ITIH5: variants seen among roughly 807,000 people sequenced by gnomAD.
ITIH5 encodes the protein inter-alpha-trypsin inhibitor heavy chain H5.
ITIH5 carries 65 observed loss-of-function variants against 77.5 expected under a neutral mutation model. That is an observed-to-expected ratio of 0.84 (90% CI 0.69 to 1.03). The LOEUF (loss-of-function observed/expected upper bound fraction) is 1.03, where lower values mean the gene tolerates loss of function less well. Ranked by LOEUF, ITIH5 falls within the 50% of genes least tolerant of loss-of-function variation. The pLI is 0.00. For synonymous variants in ITIH5, 525 were observed against 494.3 expected (o/e 1.06, Z -0.82); for missense variants, 1,208 against 1,213.1 (o/e 1.00, Z 0.06).
At chr10:7,638,724 A>G (rs1424369900) in intron 4 of ITIH5, among the ~76,000 whole-genome samples, 1 of 152,218 alleles carries the variant, frequency 6.6e-6, no homozygotes, top group African/African-American at 2.4e-5. Context: ...AAGAATACGA[A>G]AAGAGATACC....
In ITIH5 at chr10:7,579,859, G is replaced by A. The variant is rs756084635; in HGVS notation, c.1314C>T (p.Ile438=). The change falls in exon 9 of 14, where the codon ATC becomes ATT. Residue 438 remains isoleucine (I), a synonymous_variant. Coordinates refer to ENST00000397146, the MANE Select transcript of ITIH5 (RefSeq NM_030569.7). The stretch of plus-strand genomic sequence containing the variant: ...GCAGCCTGAAGTCCACGTCGTTGCC[G>A]ATGCCAATGGTGAAGATGCAGACTT... The part of the protein sequence containing the change: ...RGQVCIFTIG[I]GNDVDFRLLE... 2.1e-5 allele frequency: 34 copies of A among 1,614,116 alleles called. No individual in the cohort carries two copies. The highest frequency in any genetic ancestry group is 2.7e-5 in the Non-Finnish European group (32 of 1,180,050).
intron 10 of ITIH5, among the ~76,000 whole-genome samples, chr10:7,575,253 C>T (rs1296705105): frequency 1.3e-5 from 2 of 152,170 alleles, no homozygotes; most frequent in African/African-American, 2.4e-5. Flanking sequence ...TGATTATCTC[C>T]GTGTTCAGGG....
chr10:7,569,457 C>A (rs1049184757), intron 12 of ITIH5: 1 of 420,642 alleles, frequency 2.4e-6, no homozygotes, highest in African/African-American at 2.0e-5. Context: ...ACTCCCAAGG[C>A]ATGTGCCCAA....
intron 1 of ITIH5, among the ~76,000 whole-genome samples, chr10:7,662,689 C>T (rs1834295933): frequency 6.6e-6 from 1 of 152,210 alleles, no homozygotes; most frequent in Admixed American, 6.5e-5. Flanking sequence ...CCCTTCCTTT[C>T]CACCCTCAAG....
rs372342625 is a variant in ITIH5, at chr10:7,562,922, C to G, written c.*161G>C. On this transcript the variant is annotated 3_prime_UTR_variant, in exon 14 of 14. Transcript: ENST00000397146. ...CTTCCCGCCCCTACCCACCCCTACCCTTCGCCCAGACAGACGTCGGATCTA... is the reference window on the plus strand; with the variant it reads ...CTTCCCGCCCCTACCCACCCCTACCGTTCGCCCAGACAGACGTCGGATCTA... The G allele has an allele frequency of 7.6e-6, 5 of 658,858 alleles. No individual in the cohort carries two copies. The highest frequency in any genetic ancestry group is 7.2e-5 in the African/African-American group (4 of 55,646). The allele number at this position is 658,858 out of a possible 1,614,324, so 40.8% of individuals were successfully genotyped here. A position where few individuals can be genotyped will look rare whatever the true frequency, so the allele number is the denominator to read the frequency against.
Position 7,563,345 on chromosome 10 carries a change from G to C in ITIH5, c.2567C>G (p.Pro856Arg). ...LNQDARLTEDPAGPSQNLTHP... is the reference protein window; with the variant it reads ...LNQDARLTEDRAGPSQNLTHP... ...AGTGAGGTTCTGGCTGGGCCCTGCA[G>C]GGTCTTCTGTGAGTCTGGCATCCTG... Residue 856 changes from proline to arginine, a missense_variant, in exon 14 of 14, where the codon CCT (proline) becomes CGT (arginine). Physicochemically the swap from Pro to Arg is moderately radical, Grantham distance 103. Coordinates refer to ENST00000397146, the MANE Select transcript of ITIH5 (RefSeq NM_030569.7). The C allele has an allele frequency of 6.2e-7, 1 of 1,614,058 alleles. No individual in the cohort carries two copies.
At position 7,569,730 on chromosome 10, in the gene ITIH5, C is replaced by T; in HGVS notation, c.2087G>A (p.Cys696Tyr). 6.2e-7 allele frequency: 1 copy of T among 1,613,310 alleles called. No individual in the cohort carries two copies. The highest frequency in any genetic ancestry group is 8.5e-7 in the Non-Finnish European group (1 of 1,179,720). The change falls in exon 12 of 14, where the codon TGC becomes TAC. Residue 696 changes from cysteine to tyrosine, a missense_variant. By Grantham distance (194) the Cys-to-Tyr change is radical. Transcript: ENST00000397146. Reference sequence around the variant, plus strand: ...CCCGGGCTGCCCATCAATGTTGAAGCACACGGTGAGTCTGCTCAGGGGGAA... The same window carrying T: ...CCCGGGCTGCCCATCAATGTTGAAGTACACGGTGAGTCTGCTCAGGGGGAA... ...VDFPLSRLTV[C>Y]FNIDGQPGDI...
intron 10 of ITIH5, 33 bp from the exon 11 acceptor site, chr10:7,573,228 A>G: frequency 3.8e-6 from 6 of 1,585,636 alleles, no homozygotes; most frequent in Non-Finnish European, 5.2e-6. Context: ...CATCATGGTC[A>G]TTCCTTAAAG....
chr10:7,587,676 G>T (rs946104083), intron 7 of ITIH5, among the ~76,000 whole-genome samples: 18 of 152,350 alleles, frequency 1.2e-4, no homozygotes, highest in African/African-American at 3.8e-4. Context: ...TCTGAGCAGG[G>T]CCAGCCACAC....
chr10:7,589,096 C>G (rs1381591813), intron 7 of ITIH5, among the ~76,000 whole-genome samples: 1 of 152,238 alleles, frequency 6.6e-6, no homozygotes, highest in Non-Finnish European at 1.5e-5. Context: ...GCTCTGTTTA[C>G]TTCTTTGTTT....
At position 7,566,239 on chromosome 10, in the gene ITIH5, A is replaced by T. The variant is rs1179213215; in HGVS notation, c.2318T>A (p.Leu773His). 1 of 1,613,452 alleles carries T rather than the reference A, an allele frequency of 6.2e-7. No homozygotes were observed. The highest frequency in any genetic ancestry group is 8.5e-7 in the Non-Finnish European group (1 of 1,179,766). The change falls in exon 13 of 14, where the codon CTC becomes CAC. Residue 773 changes from leucine (L) to histidine (H), a missense_variant. Leu to His is a moderately conservative substitution (Grantham distance 99, BLOSUM62 -3). Coordinates refer to ENST00000397146, the MANE Select transcript of ITIH5 (RefSeq NM_030569.7). Reference protein sequence around the residue: ...VILDGGDRLVLPCNQSVVVGS... With the variant: ...VILDGGDRLVHPCNQSVVVGS... ...CACCACCACACTCTGGTTGCAGGGGAGCACCAGTCTGTCCCCACCATCCAA... is the reference window on the plus strand; with the variant it reads ...CACCACCACACTCTGGTTGCAGGGGTGCACCAGTCTGTCCCCACCATCCAA...
chr10:7,630,587 C>G (rs1029737496), intron 5 of ITIH5, among the ~76,000 whole-genome samples: 72 of 152,284 alleles, frequency 4.7e-4, no homozygotes, highest in African/African-American at 1.7e-3. Flanking sequence ...AGCACCTTTT[C>G]TGATGCTTTT....
chr10:7,640,110 G>A (rs900308089), intron 4 of ITIH5, among the ~76,000 whole-genome samples: 13 of 119,804 alleles, frequency 1.1e-4, no homozygotes, highest in African/African-American at 4.1e-4. Flanking sequence ...ATTTTTTGAA[G>A]TATGACTATC....
At chr10:7,653,072 G>A (rs1588430014) in intron 2 of ITIH5, among the ~76,000 whole-genome samples, 1 of 152,230 alleles carries the variant, frequency 6.6e-6, no homozygotes, top group East Asian at 1.9e-4. Context: ...TCCTAAGTAA[G>A]AGATTGGCAA....
chr10:7,565,695 A>C (rs1188822246), intron 13 of ITIH5, among the ~76,000 whole-genome samples: 1 of 149,062 alleles, frequency 6.7e-6, no homozygotes, highest in Non-Finnish European at 1.5e-5. Context: ...ATACATATAC[A>C]GACTGCATAT....
intron 5 of ITIH5, among the ~76,000 whole-genome samples, chr10:7,623,719 C>A (rs1307036267): frequency 6.9e-6 from 1 of 145,536 alleles, no homozygotes; most frequent in African/African-American, 2.6e-5. Flanking sequence ...AGGAGAATGG[C>A]GTGAACCCAG....
chr10:7,626,593 G>T (rs906532827), intron 5 of ITIH5, among the ~76,000 whole-genome samples: 6 of 152,168 alleles, frequency 3.9e-5, no homozygotes, highest in Non-Finnish European at 7.3e-5. Flanking sequence ...GGAGCTGGGG[G>T]TTTCACAGCC....
At chr10:7,568,749 C>A (rs1328284308) in intron 12 of ITIH5, among the ~76,000 whole-genome samples, 1 of 152,170 alleles carries the variant, frequency 6.6e-6, no homozygotes, top group African/African-American at 2.4e-5. Flanking sequence ...CTGCATCGAA[C>A]TTGAAAAGCT....
At chr10:7,628,043 G>T (rs944791884) in intron 5 of ITIH5, among the ~76,000 whole-genome samples, 1 of 151,958 alleles carries the variant, frequency 6.6e-6, no homozygotes, top group Admixed American at 6.6e-5. Flanking sequence ...GTTTCGCCAT[G>T]TTGGCCAGGC....
Sources: allele counts gnomAD v4.1 joint callset (sites outside exome capture counted in the v4.1 genomes callset), GRCh38; gene constraint gnomAD v4.1.1; transcripts MANE v1.5; gene names NCBI Gene and HGNC (gene_info 2026-07-23, HGNC 2026-07-21).